LRRC3C: variants seen among roughly 807,000 people sequenced by gnomAD.
The protein encoded by LRRC3C is leucine-rich repeat-containing protein 3C.
LRRC3C carries 11 observed loss-of-function variants against 14.8 expected under a neutral mutation model. The ratio of observed to expected loss-of-function variants is 0.74; its 90% CI spans 0.47 to 1.23. The LOEUF is 1.23. Ranked by LOEUF, LRRC3C falls within the 50% of genes most tolerant of loss-of-function variation. The probability of loss-of-function intolerance (pLI) is 0.00; values close to 1 mark genes in which losing one functional copy is unlikely to be tolerated. For missense variants in LRRC3C, 354 were observed against 361.8 expected, an observed-to-expected ratio of 0.98 and a Z score of 0.18; for synonymous variants, 149 against 161.5, an observed-to-expected ratio of 0.92 and a Z score of 0.59.
In LRRC3C at chr17:39,944,022, G is replaced by A. The variant is rs1010744934; in HGVS notation, c.116G>A (p.Gly39Glu). 3 of 1,536,020 alleles carry A rather than the reference G, an allele frequency of 2.0e-6. No individual in the cohort carries two copies. Among genetic ancestry groups the A allele is most frequent in the Non-Finnish European group, 1.7e-6 (2 of 1,146,820 alleles). The change falls in exon 4 of 4, where the codon GGG (glycine) becomes GAG (glutamate). Residue 39 changes from glycine (G) to glutamate (E), a missense_variant. Transcript: ENST00000377924. The stretch of plus-strand genomic sequence containing the variant: ...CCCCTCCTGCTGGTGATAGGCACAG[G>A]GGGTACTGTGCCCAGCCCCCAGGTG... ...LLPLLLVIGTGGTVPSPQVPP... is the reference protein window; with the variant it reads ...LLPLLLVIGTEGTVPSPQVPP...
chr17:39,944,016 G>C lies in LRRC3C; in HGVS notation c.110G>C (p.Gly37Ala). 6.5e-7 allele frequency: 1 copy of C among 1,536,034 alleles called. No homozygotes were observed. The change falls in exon 4 of 4, where the codon GGC becomes GCC. Residue 37 changes from glycine to alanine, a missense_variant. Physicochemically the swap from Gly to Ala is moderately conservative, Grantham distance 60. Coordinates refer to ENST00000377924, the MANE Select transcript of LRRC3C (RefSeq NM_001195545.2). ...CTCCTGCCCCTCCTGCTGGTGATAG[G>C]CACAGGGGGTACTGTGCCCAGCCCC... ...GHLLPLLLVI[G>A]TGGTVPSPQV...
chr17:39,928,198 G>C (rs547185903), intron 1 of LRRC3C, among the ~76,000 whole-genome samples: 2 of 152,366 alleles, frequency 1.3e-5, no homozygotes, highest in East Asian at 3.9e-4. Flanking sequence ...TGGCCGCCCC[G>C]CACCTGACGT....
chr17:39,943,196 G>A (rs993218906), intron 3 of LRRC3C, among the ~76,000 whole-genome samples: 5 of 152,120 alleles, frequency 3.3e-5, no homozygotes, highest in African/African-American at 1.2e-4. Context: ...CAGCAGCTAC[G>A]AGCAAACAGG....
chr17:39,932,945 G>A (rs1978691399), intron 1 of LRRC3C, among the ~76,000 whole-genome samples: 1 of 151,992 alleles, frequency 6.6e-6, no homozygotes, highest in African/African-American at 2.4e-5. Context: ...CCAGTTACTA[G>A]GAAGACTGAG....
At chr17:39,935,118 G>T (rs1264117979) in intron 1 of LRRC3C, among the ~76,000 whole-genome samples, 1 of 152,032 alleles carries the variant, frequency 6.6e-6, no homozygotes, top group African/African-American at 2.4e-5. Context: ...TTAACTGTAG[G>T]GTTCAGCCTC....
chr17:39,929,566 G>A (rs956226393), intron 1 of LRRC3C: 1 of 152,186 alleles, frequency 6.6e-6, no homozygotes, highest in African/African-American at 2.4e-5. Context: ...CAGAGTGAGT[G>A]ACAGCTCTCT....
chr17:39,942,781 AT>A (rs1947857494), intron 3 of LRRC3C, among the ~76,000 whole-genome samples: 1 of 152,222 alleles, frequency 6.6e-6, no homozygotes. Flanking sequence ...AGAATGTGCC[AT>A]GGCGTGAAAG....
At chr17:39,942,707 T>C (rs968884338) in intron 3 of LRRC3C, among the ~76,000 whole-genome samples, 6 of 152,080 alleles carry the variant, frequency 3.9e-5, no homozygotes, top group Admixed American at 2.6e-4. Context: ...TGGACAGACA[T>C]GTTTTCCAAG....
intron 1 of LRRC3C, 157 bp downstream of exon 1, chr17:39,927,971 T>G (rs1425152589): frequency 1.4e-6 from 1 of 709,592 alleles, no homozygotes; most frequent in Non-Finnish European, 1.7e-6. Context: ...TGACCCCAAC[T>G]GCAGGATTTT....
Position 39,944,491 on chromosome 17 carries a change from C to T in LRRC3C, c.585C>T (p.Leu195=), listed in dbSNP as rs540602017. The T allele has an allele frequency of 9.4e-6, 12 of 1,282,310 alleles. No homozygotes were observed. The Admixed American group carries it at 2.0e-4, about 21-fold the overall frequency. The allele number at this position is 1,282,310 out of a possible 1,614,324, so 79.4% of individuals were successfully genotyped here. Residue 195 remains leucine, a synonymous_variant, in exon 4 of 4, where the codon CTC becomes CTT. Coordinates refer to ENST00000377924, the MANE Select transcript of LRRC3C (RefSeq NM_001195545.2). ...GTGGCTCAGGAGCCCGACCGGACCT[C>T]GTGGGGCAGGAGTTCCTGCTGCTGG... ...IVCGSGARPD[L]VGQEFLLLAG...
At chr17:39,929,385 A>G (rs1443958670) in intron 1 of LRRC3C, 10 of 152,134 alleles carry the variant, frequency 6.6e-5, no homozygotes, top group Non-Finnish European at 1.2e-4. Context: ...TTTTTTCACA[A>G]TAGGAATGAA....
intron 2 of LRRC3C, among the ~76,000 whole-genome samples, chr17:39,937,496 C>T (rs570469428): frequency 4.0e-5 from 6 of 151,298 alleles, no homozygotes; most frequent in South Asian, 2.1e-4. Flanking sequence ...CCATAAGCCA[C>T]GGAATCAAGT....
chr17:39,927,757 G>A lies in LRRC3C; in HGVS notation c.-232G>A. The A allele has an allele frequency of 5.1e-6, 5 of 985,558 alleles. No individual in the cohort carries two copies. Among genetic ancestry groups the A allele is most frequent in the African/African-American group, 1.7e-5 (1 of 57,370 alleles). 61.1% of individuals were successfully genotyped at this position (985,558 alleles called of 1,614,324 possible). On this transcript the variant is annotated 5_prime_UTR_variant, in exon 1 of 4. Coordinates refer to ENST00000377924, the MANE Select transcript of LRRC3C (RefSeq NM_001195545.2). ...GGGCTCCGTTCCCGGCCTCTTCGGGGACGCACGGTTGGAAGTTGTACCGTG... is the reference window on the plus strand; with the variant it reads ...GGGCTCCGTTCCCGGCCTCTTCGGGAACGCACGGTTGGAAGTTGTACCGTG...
Position 39,944,693 on chromosome 17 carries a change from G to C in LRRC3C, c.787G>C (p.Val263Leu). 8 of 1,535,924 alleles carry C rather than the reference G, an allele frequency of 5.2e-6. No individual in the cohort carries two copies. Among genetic ancestry groups the C allele is most frequent in the Non-Finnish European group, 7.0e-6 (8 of 1,146,852 alleles). Residue 263 changes from valine to leucine, a missense_variant, in exon 4 of 4, where the codon GTG (valine) becomes CTG (leucine). Physicochemically the swap from Val to Leu is conservative, Grantham distance 32. Transcript: ENST00000377924. The stretch of plus-strand genomic sequence containing the variant: ...CCTCAAGCGGGCCCCAGTGCTGCCC[G>C]TGCGTTCCGAGGACTCCTCCATCCT... ...RSLKRAPVLPVRSEDSSILST... is the reference protein window; with the variant it reads ...RSLKRAPVLPLRSEDSSILST...
intron 2 of LRRC3C, among the ~76,000 whole-genome samples, chr17:39,940,555 G>A (rs1327769321): frequency 6.6e-6 from 1 of 151,972 alleles, no homozygotes; most frequent in Non-Finnish European, 1.5e-5. Context: ...TAGGACTAAA[G>A]TATGCACCAC....
chr17:39,928,528 T>C (rs1465363259), intron 1 of LRRC3C, among the ~76,000 whole-genome samples: 1 of 152,250 alleles, frequency 6.6e-6, no homozygotes, highest in Non-Finnish European at 1.5e-5. Flanking sequence ...AATATTACTG[T>C]AGGAGGTTGA....
intron 2 of LRRC3C, among the ~76,000 whole-genome samples, chr17:39,936,128 G>C (rs976418495): frequency 6.6e-6 from 1 of 152,206 alleles, no homozygotes; most frequent in African/African-American, 2.4e-5. Context: ...GGGAGGCTAA[G>C]AGGCTCACTT....
chr17:39,938,346 C>T (rs1009252580), intron 2 of LRRC3C, among the ~76,000 whole-genome samples: 3 of 151,954 alleles, frequency 2.0e-5, no homozygotes, highest in Non-Finnish European at 4.4e-5. Flanking sequence ...CAGTAATACT[C>T]AACCCTCCCT....
Position 39,944,615 on chromosome 17 carries a change from G to A in LRRC3C, c.709G>A (p.Val237Met), listed in dbSNP as rs1231341684. ...CATGGGGGGCTGGCTGACACTCATG[G>A]TGGCTTATCTGGTGCATTATGTGTG... ...VTMGGWLTLM[V>M]AYLVHYVWQN... Residue 237 changes from valine to methionine, a missense_variant, in exon 4 of 4, where the codon GTG (valine) becomes ATG (methionine). Coordinates refer to ENST00000377924, the MANE Select transcript of LRRC3C (RefSeq NM_001195545.2). The A allele has an allele frequency of 6.5e-7, 1 of 1,535,944 alleles. No individual in the cohort carries two copies. The highest frequency in any genetic ancestry group is 1.2e-5 in the South Asian group (1 of 84,060).
Sources: allele counts gnomAD v4.1 joint callset (sites outside exome capture counted in the v4.1 genomes callset), GRCh38; gene constraint gnomAD v4.1.1; transcripts MANE v1.5; gene names NCBI Gene and HGNC (gene_info 2026-07-23, HGNC 2026-07-21).